The following DCDC2 variants were observed in gnomAD, a reference collection of about 807,000 sequenced individuals.
DCDC2 encodes doublecortin domain-containing protein 2.
In DCDC2, 40 loss-of-function variants were observed where a neutral mutation model predicts 50.2. The observed-to-expected ratio is 0.80, with a 90% CI of 0.62 to 1.04. DCDC2 has a LOEUF of 1.04. Ranked by LOEUF, DCDC2 falls within the 50% of genes least tolerant of loss-of-function variation. The pLI, the probability that DCDC2 is intolerant of heterozygous loss-of-function variation, is 0.00. For missense variants in DCDC2, 570 were observed against 581.9 expected, an observed-to-expected ratio of 0.98 and a Z score of 0.21; for synonymous variants, 234 against 210.6, an observed-to-expected ratio of 1.11 and a Z score of -0.96.
At chr6:24,379,321 G>A in the DCDC2 span, among the ~76,000 whole-genome samples, 936 of 151,646 alleles carry the variant, frequency 6.2e-3, 14 homozygotes, top group African/African-American at 0.02. Flanking sequence ...AGAATCTACA[G>A]AAAACTTAAA....
the DCDC2 span, among the ~76,000 whole-genome samples, chr6:24,373,616 G>C: frequency 6.6e-6 from 1 of 152,184 alleles, no homozygotes; most frequent in Non-Finnish European, 1.5e-5. Flanking sequence ...GACCCATCGG[G>C]ATGTAGACTG....
chr6:24,363,019 T>G (rs1171698365), upstream of DCDC2, among the ~76,000 whole-genome samples: 1 of 152,074 alleles, frequency 6.6e-6, no homozygotes, highest in Non-Finnish European at 1.5e-5. Flanking sequence ...TGAGGTAGAA[T>G]GAGGAGCGGA....
intron 6 of DCDC2, among the ~76,000 whole-genome samples, chr6:24,285,567 T>C (rs1290860000): frequency 2.0e-5 from 3 of 152,176 alleles, no homozygotes; most frequent in Admixed American, 2.0e-4. Context: ...TACTGTGCCA[T>C]ACACCTGGAA....
rs770736167 is a variant in DCDC2 at position 24,357,913 on chromosome 6, T to C, written c.-163A>G. The stretch of plus-strand genomic sequence containing the variant: ...GAAGTAACGGCCGTGCGCCTAGGCG[T>C]CCACCCAGAGGAGACACTAGGAGCT... On this transcript the variant is annotated 5_prime_UTR_variant, in exon 1 of 10. Transcript: ENST00000378454. 9.8e-6 allele frequency: 15 copies of C among 1,531,388 alleles called. No homozygotes were observed. Among genetic ancestry groups the C allele is most frequent in the Non-Finnish European group, 7.9e-6 (9 of 1,140,096 alleles). 94.9% of individuals were successfully genotyped at this position (1,531,388 alleles called of 1,614,324 possible).
chr6:24,276,872 A>G (rs1000493999), intron 7 of DCDC2, among the ~76,000 whole-genome samples: 6 of 151,860 alleles, frequency 4.0e-5, no homozygotes, highest in African/African-American at 1.5e-4. Context: ...AAAAAAAAAA[A>G]GTTAAATGAG....
At chr6:24,337,704 A>G (rs757478496) in intron 2 of DCDC2, among the ~76,000 whole-genome samples, 16 of 151,158 alleles carry the variant, frequency 1.1e-4, no homozygotes, top group Non-Finnish European at 1.5e-4. Context: ...AGGCTGAGGC[A>G]GGAGAATCAC....
intron 2 of DCDC2, among the ~76,000 whole-genome samples, chr6:24,347,517 TA>T (rs1256175154): frequency 6.6e-5 from 10 of 152,192 alleles, no homozygotes; most frequent in African/African-American, 2.4e-4. Flanking sequence ...GTACAACAAC[TA>T]TTTACATAGC....
chr6:24,312,513 A>G (rs1306959646), intron 2 of DCDC2, among the ~76,000 whole-genome samples: 2 of 152,148 alleles, frequency 1.3e-5, no homozygotes, highest in Non-Finnish European at 2.9e-5. Flanking sequence ...GTTAGAGAAT[A>G]TGTCTTTAAT....
intron 4 of DCDC2, among the ~76,000 whole-genome samples, chr6:24,292,083 T>G (rs1041610005): frequency 2.0e-5 from 3 of 152,192 alleles, no homozygotes; most frequent in African/African-American, 7.2e-5. Context: ...CTTCCTTTAC[T>G]GTAAAACTGC....
At chr6:24,186,177 A>T (rs1761198828) in intron 8 of DCDC2, among the ~76,000 whole-genome samples, 1 of 152,268 alleles carries the variant, frequency 6.6e-6, no homozygotes, top group Non-Finnish European at 1.5e-5. Context: ...TAATTTCCAT[A>T]AATTAGTATA....
chr6:24,226,940 G>A lies in DCDC2; in HGVS notation c.923-21838C>T, dbSNP rs147224171. 2.6e-5 allele frequency among the ~76,000 whole-genome samples: 4 copies of A among 152,336 alleles called. No individual in the cohort carries two copies. The East Asian group carries it at 7.7e-4, about 29-fold the overall frequency. On this transcript the variant is annotated intron_variant, in intron 7 of 9. Transcript: ENST00000378454. ...GTGACATCAGTTCACATACTCGGGAGGCAGCCAGGATGTCAGAGTAGTGTT... is the reference window on the plus strand; with the variant it reads ...GTGACATCAGTTCACATACTCGGGAAGCAGCCAGGATGTCAGAGTAGTGTT...
At chr6:24,352,924 C>A (rs185725289) in intron 2 of DCDC2, among the ~76,000 whole-genome samples, 240 of 152,234 alleles carry the variant, frequency 1.6e-3, no homozygotes, top group Non-Finnish European at 2.6e-3. Flanking sequence ...TGTTTTTAAT[C>A]TATTTTTTCA....
chr6:24,220,347 T>C (rs1477036810), intron 7 of DCDC2, among the ~76,000 whole-genome samples: 1 of 152,236 alleles, frequency 6.6e-6, no homozygotes. Context: ...TTTTTAATTT[T>C]TATTTACTCA....
At chr6:24,372,056 T>C in the DCDC2 span, among the ~76,000 whole-genome samples, 5 of 152,328 alleles carry the variant, frequency 3.3e-5, no homozygotes, top group Admixed American at 2.0e-4. Flanking sequence ...TGGAAGTCAG[T>C]GTGGCAATTC....
At chr6:24,238,580 T>C (rs113939805) in intron 7 of DCDC2, among the ~76,000 whole-genome samples, 6,949 of 152,122 alleles carry the variant, frequency 0.046, 237 homozygotes, top group Non-Finnish European at 0.07. Context: ...ATTACAGGTG[T>C]GAGCCACTGC....
chr6:24,174,961 G>A, intron 9 of DCDC2, 127 bp from the exon 10 acceptor site: 1 of 500,164 alleles, frequency 2.0e-6, no homozygotes, highest in Non-Finnish European at 3.3e-6. Context: ...AAGAGTTCCT[G>A]GGGTTCCCTT....
rs144582197 is a variant in DCDC2 at position 24,337,087 on chromosome 6, G to C, written c.348+16482C>G. On this transcript the variant is annotated intron_variant, in intron 2 of 9. Coordinates refer to ENST00000378454, the MANE Select transcript of DCDC2 (RefSeq NM_016356.5). ...TCCCATCCTTCAAGTTGCGTTTTTT[G>C]CTTAGTAACTTGGTAAATGTTACTC... Among the ~76,000 whole-genome samples, 37 of 152,144 alleles carry C rather than the reference G, an allele frequency of 2.4e-4. No homozygotes were observed. The East Asian group carries it at 7.1e-3, about 29-fold the overall frequency.
intron 7 of DCDC2, among the ~76,000 whole-genome samples, chr6:24,250,452 G>A (rs201579634): frequency 1.3e-5 from 2 of 152,132 alleles, no homozygotes; most frequent in East Asian, 3.9e-4. Context: ...AGGTAAAAAT[G>A]TTGCAAATGT....
chr6:24,254,566 T>TAGCAC (rs1263144228), intron 7 of DCDC2, among the ~76,000 whole-genome samples: 3 of 152,176 alleles, frequency 2.0e-5, no homozygotes, highest in African/African-American at 7.2e-5. Flanking sequence ...GATTGTTATG[T>TAGCAC]AGCACATGGC....
Sources: gnomAD v4.1 joint callset for allele counts (sites outside exome capture counted in the v4.1 genomes callset) on GRCh38, gnomAD v4.1.1 for gene constraint, MANE v1.5 for transcripts, NCBI Gene and HGNC (gene_info 2026-07-23, HGNC 2026-07-21) for gene names.